GALK2: variants seen among roughly 807,000 people sequenced by gnomAD.
GALK2 encodes the protein N-acetylgalactosamine kinase.
A neutral mutation model predicts 52.4 loss-of-function variants in GALK2; 36 were observed. The observed-to-expected ratio is 0.69, with a 90% confidence interval of 0.53 to 0.91. The LOEUF is 0.91. GALK2 is among the 40% of genes least tolerant of loss of function. GALK2 has a pLI of 0.00. For missense variants in GALK2, 579 were observed against 559.1 expected, an observed-to-expected ratio of 1.04 and a Z score of -0.36; for synonymous variants, 176 against 199.1, an observed-to-expected ratio of 0.88 and a Z score of 0.98.
At chr15:49,336,510 T>C (rs917339103), downstream of GALK2, among the ~76,000 whole-genome samples, 2 of 152,224 alleles carry the variant, frequency 1.3e-5, no homozygotes, top group Non-Finnish European at 2.9e-5. Flanking sequence ...ACTGTCCTCT[T>C]ACAGCCCCAC....
At chr15:49,184,424 C>A (rs988402725) in intron 1 of GALK2, among the ~76,000 whole-genome samples, 36 of 152,152 alleles carry the variant, frequency 2.4e-4, no homozygotes, top group African/African-American at 8.7e-4. Context: ...TGTTTTTAAT[C>A]CATTCAGCCA....
At chr15:49,192,839 C>T (rs2086870964) in intron 1 of GALK2, among the ~76,000 whole-genome samples, 1 of 151,850 alleles carries the variant, frequency 6.6e-6, no homozygotes, top group Non-Finnish European at 1.5e-5. Flanking sequence ...CTTTTAGAGA[C>T]AGGTCACCCT....
At chr15:49,216,444 A>C (rs1314441409) in intron 2 of GALK2, among the ~76,000 whole-genome samples, 2 of 152,044 alleles carry the variant, frequency 1.3e-5, no homozygotes, top group African/African-American at 4.8e-5. Context: ...AGCTAAAGGA[A>C]TCTCTCCCCA....
At position 49,271,751 on chromosome 15, in the gene GALK2, T is replaced by A. The variant is rs192028217; in HGVS notation, c.505-10236T>A. Among the ~76,000 whole-genome samples the A allele has an allele frequency of 2.3e-3, 351 of 152,338 alleles. 2 individuals are homozygous for A. Among genetic ancestry groups the A allele is most frequent in the Middle Eastern group, 0.014 (4 of 294 alleles). ...TTAGCTGGCATTACAATTATTGGGC[T>A]ACAGAAATCATACCAAGCTATTAGC... On this transcript the variant is annotated intron_variant, in intron 5 of 9. Transcript: ENST00000560031.
In GALK2 at chr15:49,283,663, A is replaced by G; in HGVS notation, c.701A>G (p.Lys234Arg). The G allele has an allele frequency of 6.2e-7, 1 of 1,614,136 alleles. No individual in the cohort carries two copies. Among genetic ancestry groups the G allele is most frequent in the South Asian group, 1.1e-5 (1 of 91,070 alleles). Residue 234 changes from lysine to arginine, a missense_variant, in exon 7 of 10, where the codon AAG (lysine) becomes AGG (arginine). Coordinates refer to ENST00000560031, the MANE Select transcript of GALK2 (RefSeq NM_002044.4). Reference sequence around the variant, plus strand: ...GCCAACAGTTGTGTGGAGATGAATAAGGCAGCAACTTCCCATTTCAATATC... The same window carrying G: ...GCCAACAGTTGTGTGGAGATGAATAGGGCAGCAACTTCCCATTTCAATATC... ...VIANSCVEMN[K>R]AATSHFNIRV...
In GALK2 at chr15:49,235,871, A is replaced by G; in HGVS notation, c.287A>G (p.Asn96Ser). 6.2e-7 allele frequency: 1 copy of G among 1,612,994 alleles called. No individual in the cohort carries two copies. The highest frequency in any genetic ancestry group is 8.5e-7 in the Non-Finnish European group (1 of 1,178,960). The change falls in exon 4 of 10, where the codon AAT becomes AGT. Residue 96 changes from asparagine (N) to serine (S), a missense_variant. Transcript: ENST00000560031. ...PLYPDFSTSANNIQIDKTKPL... is the reference protein window; with the variant it reads ...PLYPDFSTSASNIQIDKTKPL... ...CGCAGGGACTTCAGTACTAGTGCTAATAACATCCAGATTGATAAAACCAAG... is the reference window on the plus strand; with the variant it reads ...CGCAGGGACTTCAGTACTAGTGCTAGTAACATCCAGATTGATAAAACCAAG...
At chr15:49,341,295 C>T (rs1351691219) in intron 3 of GALK2, among the ~76,000 whole-genome samples, 1 of 152,080 alleles carries the variant, frequency 6.6e-6, no homozygotes, top group Admixed American at 6.5e-5. Flanking sequence ...TGAAAAATTA[C>T]ATTGGTAATT....
At chr15:49,276,793 A>G (rs2141720661) in intron 5 of GALK2, among the ~76,000 whole-genome samples, 1 of 152,050 alleles carries the variant, frequency 6.6e-6, no homozygotes, top group East Asian at 1.9e-4. Flanking sequence ...GGCTTAGGCC[A>G]TGGGCCTAGC....
intron 2 of GALK2, among the ~76,000 whole-genome samples, chr15:49,215,587 T>C (rs2089303550): frequency 2.0e-5 from 3 of 152,246 alleles, no homozygotes; most frequent in African/African-American, 7.2e-5. Flanking sequence ...TTTCAAAAAC[T>C]ATTTTAATCT....
At chr15:49,215,239 C>A (rs2089278341) in intron 2 of GALK2, among the ~76,000 whole-genome samples, 1 of 151,982 alleles carries the variant, frequency 6.6e-6, no homozygotes, top group East Asian at 1.9e-4. Context: ...GTTGTGTGAT[C>A]TTCTTATACC....
rs1225370004 is a variant in GALK2 at position 49,234,627 on chromosome 15, C to T, written c.267-1224C>T. Among the ~76,000 whole-genome samples, 8 of 152,264 alleles carry T rather than the reference C, an allele frequency of 5.3e-5. 1 individual carries two copies. In the South Asian group the frequency reaches 1.7e-3, roughly 32 times the overall value. ...CAGCGGATCCCATGAGACTTATTCA[C>T]TATCATGACAAAAGCACAAGAAAGA... On this transcript the variant is annotated intron_variant, in intron 3 of 9. Transcript: ENST00000560031.
chr15:49,162,456 A>G (rs1311516728), intron 1 of GALK2, among the ~76,000 whole-genome samples: 3 of 152,222 alleles, frequency 2.0e-5, no homozygotes, highest in Non-Finnish European at 2.9e-5. Context: ...ACATTTGTGC[A>G]CAAGTTTTTG....
chr15:49,319,627 C>T lies in GALK2; in HGVS notation c.991C>T (p.Arg331Trp), dbSNP rs746862792. ...AGTGCTCATCTTCAAACTCTATCAG[C>T]GGGCAAAGCATGTGTACAGCGAGGC... ...QDVLIFKLYQ[R>W]AKHVYSEAAR... The change falls in exon 9 of 10, where the codon CGG becomes TGG. Residue 331 changes from arginine (R) to tryptophan (W), a missense_variant. Transcript: ENST00000560031. 51 of 1,613,978 alleles carry T rather than the reference C, an allele frequency of 3.2e-5. No individual in the cohort carries two copies. The highest frequency in any genetic ancestry group is 2.2e-4 in the East Asian group (10 of 44,892).
chr15:49,289,054 C>T (rs2033668987), intron 7 of GALK2, among the ~76,000 whole-genome samples: 1 of 152,176 alleles, frequency 6.6e-6, no homozygotes, highest in Admixed American at 6.5e-5. Flanking sequence ...TTTATGTGCT[C>T]TTACCATGTC....
chr15:49,227,214 A>G (rs888877530), intron 3 of GALK2, among the ~76,000 whole-genome samples: 1 of 152,156 alleles, frequency 6.6e-6, no homozygotes, highest in Non-Finnish European at 1.5e-5. Flanking sequence ...TGTAATGTTG[A>G]GAGTGGGCTG....
intron 2 of GALK2, among the ~76,000 whole-genome samples, chr15:49,211,329 G>C (rs1466461497): frequency 6.6e-6 from 1 of 152,162 alleles, no homozygotes; most frequent in Non-Finnish European, 1.5e-5. Flanking sequence ...GACCTCTTTA[G>C]CTGGGACTTC....
At chr15:49,176,089 A>G (rs2085434503) in intron 1 of GALK2, among the ~76,000 whole-genome samples, 2 of 152,240 alleles carry the variant, frequency 1.3e-5, no homozygotes, top group Admixed American at 6.5e-5. Flanking sequence ...TCCTGCTACA[A>G]TGTGAGATAT....
Position 49,264,549 on chromosome 15 carries a change from G to A in GALK2, c.505-17438G>A, listed in dbSNP as rs147470026. Among the ~76,000 whole-genome samples the A allele has an allele frequency of 1.2e-3, 190 of 152,158 alleles. 1 individual carries two copies. The highest frequency in any genetic ancestry group is 4.1e-3 in the African/African-American group (169 of 41,524). ...CAACGTAGCTCAGAGTAATTTGATC[G>A]TCTGAAGCCTTCTTCTCTCAGCTCG... On this transcript the variant is annotated intron_variant, in intron 5 of 9. Coordinates refer to ENST00000560031, the MANE Select transcript of GALK2 (RefSeq NM_002044.4).
chr15:49,211,693 G>T (rs2088904055), intron 2 of GALK2, among the ~76,000 whole-genome samples: 1 of 152,178 alleles, frequency 6.6e-6, no homozygotes, highest in Non-Finnish European at 1.5e-5. Flanking sequence ...AAGACAAAGG[G>T]GAAGGAGGCA....
Sources: gnomAD v4.1 joint callset for allele counts (sites outside exome capture counted in the v4.1 genomes callset) on GRCh38, gnomAD v4.1.1 for gene constraint, MANE v1.5 for transcripts, NCBI Gene and HGNC (gene_info 2026-07-23, HGNC 2026-07-21) for gene names.